The following C9 variants were observed in gnomAD, a reference collection of about 807,000 sequenced individuals.
C9 encodes complement C9, also known as complement component C9.
Under a neutral mutation model 65.4 loss-of-function variants are expected in C9, and 63 were observed. The ratio of observed to expected loss-of-function variants is 0.96; its 90% CI spans 0.79 to 1.19. The LOEUF is 1.19. Ranked by LOEUF, C9 falls within the 50% of genes most tolerant of loss-of-function variation. The pLI, the probability that C9 is intolerant of heterozygous loss-of-function variation, is 0.00. For synonymous variants in C9, 229 were observed against 227.9 expected (o/e 1.00, Z -0.04); for missense variants, 744 against 670.1 (o/e 1.11, Z -1.22).
At chr5:39,361,388 T>A (rs1754519799) in intron 1 of C9, among the ~76,000 whole-genome samples, 1 of 152,140 alleles carries the variant, frequency 6.6e-6, no homozygotes, top group Non-Finnish European at 1.5e-5. Context: ...AGATACTCAA[T>A]GTATACCTTG....
chr5:39,348,640 A>G lies in C9; in HGVS notation c.78-6444T>C, dbSNP rs533450819. Among the ~76,000 whole-genome samples, 752 of 152,268 alleles carry G rather than the reference A, an allele frequency of 4.9e-3. 5 individuals are homozygous for G. The highest frequency in any genetic ancestry group is 0.017 in the African/African-American group (705 of 41,540). ...ATTCCTCAGGGATCTAGAACTAGAAATACCATTTGACCCAGCCATCCCATT... is the reference window on the plus strand; with the variant it reads ...ATTCCTCAGGGATCTAGAACTAGAAGTACCATTTGACCCAGCCATCCCATT... On this transcript the variant is annotated intron_variant, in intron 1 of 10. Coordinates refer to ENST00000263408, the MANE Select transcript of C9 (RefSeq NM_001737.5).
intron 9 of C9, among the ~76,000 whole-genome samples, chr5:39,303,510 TTATTTTATAG>T (rs1246469118): frequency 1.3e-5 from 2 of 148,960 alleles, no homozygotes; most frequent in African/African-American, 2.4e-5. Context: ...ATAAACTATA[TTATTTTATAG>T]TATTTTATAA....
intron 4 of C9, among the ~76,000 whole-genome samples, chr5:39,340,581 GTT>G (rs1050706188): frequency 6.6e-6 from 1 of 152,162 alleles, no homozygotes; most frequent in African/African-American, 2.4e-5. Flanking sequence ...GAGCCCCTAG[GTT>G]TTGTATGGAA....
chr5:39,323,032 G>A (rs261755), intron 5 of C9, among the ~76,000 whole-genome samples: 93,003 of 151,820 alleles, frequency 0.61, 29,739 homozygotes, highest in African/African-American at 0.8. Flanking sequence ...AGATATTACT[G>A]TGAAAAATTA....
chr5:39,342,978 A>G (rs1315983731), intron 1 of C9, among the ~76,000 whole-genome samples: 1 of 152,080 alleles, frequency 6.6e-6, no homozygotes, highest in African/African-American at 2.4e-5. Context: ...CCCAACAAGA[A>G]TCCTACAAAT....
chr5:39,350,768 CT>C (rs1358938105), intron 1 of C9, among the ~76,000 whole-genome samples: 1 of 152,194 alleles, frequency 6.6e-6, no homozygotes, highest in Non-Finnish European at 1.5e-5. Flanking sequence ...CCTGCAGCTG[CT>C]TTCATGGGCT....
At chr5:39,349,392 T>C (rs1754276518) in intron 1 of C9, among the ~76,000 whole-genome samples, 1 of 152,282 alleles carries the variant, frequency 6.6e-6, no homozygotes, top group African/African-American at 2.4e-5. Context: ...TCATGCACCA[T>C]CCCTGATTAC....
chr5:39,299,704 T>C (rs939843425), intron 9 of C9, among the ~76,000 whole-genome samples: 2 of 152,082 alleles, frequency 1.3e-5, no homozygotes, highest in Non-Finnish European at 2.9e-5. Context: ...ATGATAGAAC[T>C]GTGTGGTAGA....
At chr5:39,347,427 T>A (rs1320567996) in intron 1 of C9, among the ~76,000 whole-genome samples, 1 of 152,110 alleles carries the variant, frequency 6.6e-6, no homozygotes, top group East Asian at 1.9e-4. Context: ...TCACAATTGC[T>A]TCAAAGAGAA....
Position 39,298,875 on chromosome 5 carries a change from C to A in C9, c.1416+7742G>T, listed in dbSNP as rs558403982. 3.0e-4 allele frequency among the ~76,000 whole-genome samples: 45 copies of A among 151,910 alleles called. 1 individual carries two copies. The highest frequency in any genetic ancestry group is 2.6e-3 in the Admixed American group (40 of 15,230). Reference sequence around the variant, plus strand: ...CAAACCAAATACAATAGTTTTTAAGCACCAGGTTTGCTCAAAATTTAAATA... The same window carrying A: ...CAAACCAAATACAATAGTTTTTAAGAACCAGGTTTGCTCAAAATTTAAATA... On this transcript the variant is annotated intron_variant, in intron 9 of 10. Coordinates refer to ENST00000263408, the MANE Select transcript of C9 (RefSeq NM_001737.5).
intron 5 of C9, among the ~76,000 whole-genome samples, chr5:39,322,857 G>A (rs1486349914): frequency 4.6e-5 from 7 of 152,010 alleles, no homozygotes; most frequent in Non-Finnish European, 8.8e-5. Flanking sequence ...ATCTAGAGAT[G>A]ATTTAAATTA....
At chr5:39,286,411 G>A (rs527996355) in intron 10 of C9, among the ~76,000 whole-genome samples, 20 of 152,068 alleles carry the variant, frequency 1.3e-4, no homozygotes, top group African/African-American at 2.6e-4. Context: ...AAAGAATTCC[G>A]TGAAGATATA....
At chr5:39,351,101 A>G (rs1754314356) in intron 1 of C9, among the ~76,000 whole-genome samples, 1 of 152,174 alleles carries the variant, frequency 6.6e-6, no homozygotes, top group African/African-American at 2.4e-5. Flanking sequence ...GAAGCCACCA[A>G]GGCTTGGGTT....
At chr5:39,359,312 A>C (rs1414800504) in intron 1 of C9, among the ~76,000 whole-genome samples, 1 of 151,668 alleles carries the variant, frequency 6.6e-6, no homozygotes, top group Non-Finnish European at 1.5e-5. Flanking sequence ...TAGATTTTTC[A>C]AGAAGAGATG....
chr5:39,334,617 G>A (rs1753924200), intron 4 of C9, among the ~76,000 whole-genome samples: 1 of 150,706 alleles, frequency 6.6e-6, no homozygotes, highest in Non-Finnish European at 1.5e-5. Context: ...GAGGTGAGGG[G>A]CGCCTCTGCC....
chr5:39,341,588 T>A lies in C9; in HGVS notation c.296A>T (p.Asp99Val). Residue 99 changes from aspartate to valine, a missense_variant, in exon 3 of 11, where the codon GAT becomes GTT. Transcript: ENST00000263408. Reference sequence around the variant, plus strand: ...GCATTGAAAGTCATTTCCGCAGTCATCCTCAGCATCCTCACAGGGCTCTGT... The same window carrying A: ...GCATTGAAAGTCATTTCCGCAGTCAACCTCAGCATCCTCACAGGGCTCTGT... ...VPTEPCEDAEDDCGNDFQCST... is the reference protein window; with the variant it reads ...VPTEPCEDAEVDCGNDFQCST... 2 of 1,614,114 alleles carry A rather than the reference T, an allele frequency of 1.2e-6. No homozygotes were observed. Among genetic ancestry groups the A allele is most frequent in the Non-Finnish European group, 1.7e-6 (2 of 1,179,962 alleles).
At chr5:39,355,690 A>G (rs751310808) in intron 1 of C9, among the ~76,000 whole-genome samples, 1 of 152,164 alleles carries the variant, frequency 6.6e-6, no homozygotes, top group African/African-American at 2.4e-5. Flanking sequence ...CCACCATAAC[A>G]AAGTACCACA....
intron 1 of C9, among the ~76,000 whole-genome samples, chr5:39,359,100 G>GTA (rs1270604293): frequency 0.015 from 1,303 of 87,772 alleles, 34 homozygotes; most frequent in African/African-American, 0.051. Flanking sequence ...GTGTGTGTGT[G>GTA]TGTATATATA....
intron 9 of C9, among the ~76,000 whole-genome samples, chr5:39,297,684 T>C (rs1282875244): frequency 6.6e-6 from 1 of 151,688 alleles, no homozygotes; most frequent in East Asian, 1.9e-4. Context: ...TAAATGTGTA[T>C]GCACCCAATG....
Sources: allele counts gnomAD v4.1 joint callset (sites outside exome capture counted in the v4.1 genomes callset), GRCh38; gene constraint gnomAD v4.1.1; transcripts MANE v1.5; gene names NCBI Gene and HGNC (gene_info 2026-07-23, HGNC 2026-07-21).